PHTF2: variants seen among roughly 807,000 people sequenced by gnomAD.
PHTF2 encodes putative homeodomain transcription factor 2.
A neutral mutation model predicts 101.2 loss-of-function variants in PHTF2; 60 were observed. That is an observed-to-expected ratio of 0.59 (90% CI 0.48 to 0.73). The LOEUF is 0.73. PHTF2 is among the 30% of genes least tolerant of loss of function. The probability of loss-of-function intolerance (pLI) is 0.00; values close to 1 mark genes in which losing one functional copy is unlikely to be tolerated. For missense variants in PHTF2, 747 were observed against 908.7 expected, an observed-to-expected ratio of 0.82 and a Z score of 2.29; for synonymous variants, 311 against 307.3, an observed-to-expected ratio of 1.01 and a Z score of -0.13.
chr7:77,956,154 A>G (rs1210914693), exon 20 of PHTF2: 2 of 152,404 alleles, frequency 1.3e-5, no homozygotes, highest in African/African-American at 4.8e-5. Flanking sequence ...AGTTTTTGCA[A>G]TTTTTTTTAA....
Position 77,869,647 on chromosome 7 carries a change from C to T in PHTF2, c.147+14813C>T, listed in dbSNP as rs572426720. 2.2e-4 allele frequency among the ~76,000 whole-genome samples: 33 copies of T among 152,192 alleles called. 1 individual carries two copies. In the South Asian group the frequency reaches 6.6e-3, roughly 31 times the overall value. ...TTTAAGGAACCTTCATACTGTTTAC[C>T]ATGGTGGCTGTACTAATTTACATTC... On this transcript the variant is annotated intron_variant, in intron 3 of 19. Coordinates refer to ENST00000416283, the Ensembl canonical transcript of PHTF2.
At chr7:77,815,267 A>T (rs1210078409) in intron 1 of PHTF2, among the ~76,000 whole-genome samples, 4 of 152,094 alleles carry the variant, frequency 2.6e-5, no homozygotes, top group Non-Finnish European at 5.9e-5. Context: ...TGCTTTGTGC[A>T]TATCTGTAAA....
At chr7:77,824,850 T>C (rs1032558655) in intron 1 of PHTF2, among the ~76,000 whole-genome samples, 6 of 150,120 alleles carry the variant, frequency 4.0e-5, no homozygotes, top group African/African-American at 1.5e-4. Flanking sequence ...CTGGACAACA[T>C]AGCAAGACCC....
intron 1 of PHTF2, among the ~76,000 whole-genome samples, chr7:77,836,183 G>C (rs1228944074): frequency 6.6e-6 from 1 of 151,698 alleles, no homozygotes. Context: ...TCTTTAAGTG[G>C]AAGTGGATCA....
At chr7:77,838,179 G>A (rs1445463349) in intron 1 of PHTF2, among the ~76,000 whole-genome samples, 4 of 152,072 alleles carry the variant, frequency 2.6e-5, no homozygotes, top group Non-Finnish European at 5.9e-5. Context: ...CAAACCTCTG[G>A]GATACAAGGT....
At chr7:77,801,755 G>A (rs1792573623) in intron 1 of PHTF2, among the ~76,000 whole-genome samples, 2 of 152,150 alleles carry the variant, frequency 1.3e-5, no homozygotes, top group African/African-American at 2.4e-5. Context: ...ATCTCTTTAT[G>A]TATATGCAAA....
intron 12 of PHTF2, among the ~76,000 whole-genome samples, chr7:77,935,041 AC>A (rs1804959463): frequency 6.6e-6 from 1 of 151,732 alleles, no homozygotes; most frequent in African/African-American, 2.4e-5. Context: ...TTTTCCCTGA[AC>A]CTTTTAAAAA....
chr7:77,844,864 A>G (rs764836696), intron 2 of PHTF2, among the ~76,000 whole-genome samples: 2 of 152,208 alleles, frequency 1.3e-5, no homozygotes, highest in South Asian at 4.1e-4. Flanking sequence ...TTGACATTTT[A>G]AAAGTCCTTT....
In PHTF2 at chr7:77,840,999, A is replaced by G. The variant is rs531143861; in HGVS notation, c.45+699A>G. Among the ~76,000 whole-genome samples, 30 of 149,660 alleles carry G rather than the reference A, an allele frequency of 2.0e-4. No homozygotes were observed. In the South Asian group the frequency reaches 6.1e-3, roughly 30 times the overall value. On this transcript the variant is annotated intron_variant, in intron 2 of 19. Transcript: ENST00000416283. ...TGTTCACATTTTAAAACATTTTTAT[A>G]CCTTATTCTTCAGGTCTCTATTAAC... is the stretch of plus-strand genomic sequence containing the variant.
intron 3 of PHTF2, among the ~76,000 whole-genome samples, chr7:77,882,679 C>G (rs984383252): frequency 2.0e-5 from 3 of 151,966 alleles, no homozygotes; most frequent in Admixed American, 6.6e-5. Flanking sequence ...TATGGTTTGG[C>G]CTTTCATTAT....
At chr7:77,914,643 TAG>T (rs1041869468) in intron 9 of PHTF2, among the ~76,000 whole-genome samples, 21 of 152,254 alleles carry the variant, frequency 1.4e-4, no homozygotes, top group African/African-American at 4.6e-4. Flanking sequence ...CATGGAATGA[TAG>T]AGTCAGAAAA....
chr7:77,806,010 A>G (rs1584344422), intron 1 of PHTF2, among the ~76,000 whole-genome samples: 1 of 152,176 alleles, frequency 6.6e-6, no homozygotes, highest in African/African-American at 2.4e-5. Flanking sequence ...CCTCGTCTCT[A>G]CTAAAAATAC....
intron 1 of PHTF2, among the ~76,000 whole-genome samples, chr7:77,829,637 G>A (rs964447755): frequency 4.6e-5 from 7 of 152,166 alleles, no homozygotes; most frequent in Non-Finnish European, 1.0e-4. Flanking sequence ...CATTATGAAA[G>A]ATGTGATTTG....
chr7:77,841,486 A>G (rs528745944), intron 2 of PHTF2, among the ~76,000 whole-genome samples: 1 of 152,226 alleles, frequency 6.6e-6, no homozygotes, highest in South Asian at 2.1e-4. Context: ...ATTTTTTGAG[A>G]CAGGATCTCA....
intron 1 of PHTF2, among the ~76,000 whole-genome samples, chr7:77,814,456 A>G (rs567926980): frequency 6.6e-6 from 1 of 152,162 alleles, no homozygotes; most frequent in South Asian, 2.1e-4. Flanking sequence ...AAGACACATT[A>G]AATCGTTCTT....
intron 10 of PHTF2, among the ~76,000 whole-genome samples, chr7:77,921,860 A>G (rs1204961785): frequency 6.6e-6 from 1 of 152,096 alleles, no homozygotes; most frequent in African/African-American, 2.4e-5. Flanking sequence ...ACGTGCGCAC[A>G]TGCAGTTGCT....
intron 5 of PHTF2, among the ~76,000 whole-genome samples, chr7:77,894,204 A>G (rs10267180): frequency 0.59 from 89,000 of 152,090 alleles, 28,055 homozygotes; most frequent in African/African-American, 0.83. Context: ...ATGTAATCAT[A>G]TCTCTTATGC....
At chr7:77,951,303 A>G (rs1477689096) in intron 17 of PHTF2, among the ~76,000 whole-genome samples, 1 of 151,980 alleles carries the variant, frequency 6.6e-6, no homozygotes, top group Admixed American at 6.6e-5. Context: ...AAAATTATAA[A>G]CTATTGGTTT....
intron 3 of PHTF2, chr7:77,854,839 G>C (rs771995863): frequency 1.3e-6 from 1 of 757,182 alleles, no homozygotes; most frequent in African/African-American, 1.7e-5. Flanking sequence ...TGTTTGGTGA[G>C]TAATGCCAGG....
Sources: allele counts gnomAD v4.1 joint callset (sites outside exome capture counted in the v4.1 genomes callset), GRCh38; gene constraint gnomAD v4.1.1; transcripts MANE v1.5; gene names NCBI Gene and HGNC (gene_info 2026-07-23, HGNC 2026-07-21).